Variants in UGT1A6 observed in about 807,000 individuals in gnomAD.
UGT1A6 encodes UDP-glucuronosyltransferase 1A6.
Under a neutral mutation model 44.4 loss-of-function variants are expected in UGT1A6, and 32 were observed. The ratio of observed to expected loss-of-function variants is 0.72; its 90% CI spans 0.54 to 0.97. UGT1A6 has a LOEUF of 0.97. UGT1A6 is among the 50% of genes least tolerant of loss of function. The pLI is 0.00. For missense variants in UGT1A6, 685 were observed against 661.9 expected, an observed-to-expected ratio of 1.03 and a Z score of -0.38; for synonymous variants, 238 against 248.5, an observed-to-expected ratio of 0.96 and a Z score of 0.40.
At chr2:233,757,978 G>A (rs979360381) in intron 1 of UGT1A6, among the ~76,000 whole-genome samples, 2 of 152,062 alleles carry the variant, frequency 1.3e-5, no homozygotes, top group Non-Finnish European at 2.9e-5. Context: ...AGCCCCTAGA[G>A]CACCATCCCC....
At chr2:233,765,117 T>C (rs1698755913) in intron 1 of UGT1A6, among the ~76,000 whole-genome samples, 1 of 152,162 alleles carries the variant, frequency 6.6e-6, no homozygotes, top group Admixed American at 6.5e-5. Flanking sequence ...CTCAGGACTG[T>C]TCAGGTTTTA....
intron 1 of UGT1A6, chr2:233,753,481 C>G (rs1199479898): frequency 6.6e-6 from 1 of 152,192 alleles, no homozygotes; most frequent in African/African-American, 2.4e-5. Flanking sequence ...TACCAGCATG[C>G]TGCTCTTAAT....
At chr2:233,720,685 A>G (rs2076880777) in intron 1 of UGT1A6, among the ~76,000 whole-genome samples, 1 of 151,384 alleles carries the variant, frequency 6.6e-6, no homozygotes, top group Non-Finnish European at 1.5e-5. Flanking sequence ...TGGTTTCTAA[A>G]TCCATTAAGG....
chr2:233,743,863 G>A (rs369107156), intron 1 of UGT1A6: 364 of 1,364,642 alleles, frequency 2.7e-4, no homozygotes, highest in Middle Eastern at 2.1e-4. Context: ...CCTTCTTGAT[G>A]GCCTCGGATG....
chr2:233,711,834 C>T (rs1439514867), intron 1 of UGT1A6, among the ~76,000 whole-genome samples: 7 of 152,150 alleles, frequency 4.6e-5, no homozygotes, highest in African/African-American at 1.2e-4. Context: ...GACAAGGAGG[C>T]GTCAGCAATC....
At chr2:233,761,962 G>A (rs1257423083) in intron 1 of UGT1A6, among the ~76,000 whole-genome samples, 1 of 152,228 alleles carries the variant, frequency 6.6e-6, no homozygotes, top group Non-Finnish European at 1.5e-5. Flanking sequence ...CCATTAAGGG[G>A]ACTGATATCA....
chr2:233,704,803 T>C (rs890648963), intron 1 of UGT1A6, among the ~76,000 whole-genome samples: 1 of 152,152 alleles, frequency 6.6e-6, no homozygotes, highest in African/African-American at 2.4e-5. Context: ...TAATTATATA[T>C]ATGTATATTG....
At chr2:233,719,708 C>T in intron 1 of UGT1A6, 1 of 1,613,968 alleles carries the variant, frequency 6.2e-7, no homozygotes, top group Non-Finnish European at 8.5e-7. Flanking sequence ...GTGCCTTCAT[C>T]CAATCAATGT....
chr2:233,714,271 C>T (rs759852980), intron 1 of UGT1A6, among the ~76,000 whole-genome samples: 2 of 152,206 alleles, frequency 1.3e-5, no homozygotes, highest in African/African-American at 4.8e-5. Context: ...CAATTGTTGA[C>T]GTGACAATTT....
chr2:233,765,846 C>T (rs562820887), intron 1 of UGT1A6, among the ~76,000 whole-genome samples: 4 of 152,146 alleles, frequency 2.6e-5, no homozygotes, highest in African/African-American at 7.2e-5. Flanking sequence ...CCTTGTCCCC[C>T]TCACAGAGCA....
chr2:233,730,746 G>A (rs1030553021), intron 1 of UGT1A6, among the ~76,000 whole-genome samples: 3 of 152,110 alleles, frequency 2.0e-5, no homozygotes, highest in Non-Finnish European at 2.9e-5. Context: ...GGCTAGGGAG[G>A]AGATAAGACT....
Position 233,718,901 on chromosome 2 carries a change from G to T in UGT1A6, c.861+25036G>T, listed in dbSNP as rs377204506. On this transcript the variant is annotated intron_variant, in intron 1 of 4. Coordinates refer to ENST00000305139, the MANE Select transcript of UGT1A6 (RefSeq NM_001072.4). Reference sequence around the variant, plus strand: ...TCCTCAGTGTCCAGCCCTGGGCTGAGAGTGGAAAGGTGTTGGTGGTGCCCA... The same window carrying T: ...TCCTCAGTGTCCAGCCCTGGGCTGATAGTGGAAAGGTGTTGGTGGTGCCCA... The T allele has an allele frequency of 2.5e-6, 4 of 1,613,936 alleles. No individual in the cohort carries two copies. The South Asian group carries it at 4.4e-5, about 18-fold the overall frequency.
intron 1 of UGT1A6, among the ~76,000 whole-genome samples, chr2:233,714,471 G>A (rs4663945): frequency 0.089 from 13,512 of 152,132 alleles, 752 homozygotes; most frequent in East Asian, 0.2. Flanking sequence ...ATTGTAATAG[G>A]AGAATGTTTC....
At chr2:233,729,044 T>G (rs1356759266) in intron 1 of UGT1A6, 1 of 1,607,146 alleles carries the variant, frequency 6.2e-7, no homozygotes, top group East Asian at 2.2e-5. Context: ...AGTGGCTCAG[T>G]GACAAGGTAA....
intron 1 of UGT1A6, among the ~76,000 whole-genome samples, chr2:233,716,363 G>A (rs914574200): frequency 6.6e-6 from 1 of 152,108 alleles, no homozygotes; most frequent in Non-Finnish European, 1.5e-5. Context: ...ATACTTTGTG[G>A]GGCTGTGATT....
intron 1 of UGT1A6, among the ~76,000 whole-genome samples, chr2:233,745,892 C>T (rs573273105): frequency 7.3e-5 from 11 of 150,844 alleles, no homozygotes; most frequent in East Asian, 2.0e-4. Context: ...GGTGGGGTGG[C>T]GTTTTTCAGG....
At chr2:233,707,478 T>C (rs2075963817) in intron 1 of UGT1A6, among the ~76,000 whole-genome samples, 1 of 152,122 alleles carries the variant, frequency 6.6e-6, no homozygotes, top group African/African-American at 2.4e-5. Context: ...ATAATACAGA[T>C]GATTTTACCT....
chr2:233,745,312 T>A (rs1693068284), intron 1 of UGT1A6, among the ~76,000 whole-genome samples: 1 of 151,876 alleles, frequency 6.6e-6, no homozygotes, highest in South Asian at 2.1e-4. Flanking sequence ...AGTGATTATT[T>A]CCACTAGAAC....
In UGT1A6 at chr2:233,772,828, C is replaced by A; in HGVS notation, c.*269C>A. ...TTCAGAGGACGTGCAGACAGGCTGG[C>A]ATTCTAGATTACTTTTCTTACTCTG... is the stretch of plus-strand genomic sequence containing the variant. On this transcript the variant is annotated 3_prime_UTR_variant, in exon 5 of 5. Transcript: ENST00000305139. 1.1e-6 allele frequency: 1 copy of A among 921,124 alleles called. No individual in the cohort carries two copies. The highest frequency in any genetic ancestry group is 1.5e-6 in the Non-Finnish European group (1 of 663,786). The allele number at this position is 921,124 out of a possible 1,614,324, so 57.1% of individuals were successfully genotyped here. A position where few individuals can be genotyped will look rare whatever the true frequency, so the allele number is the denominator to read the frequency against.
Sources: gnomAD v4.1 joint callset for allele counts (sites outside exome capture counted in the v4.1 genomes callset) on GRCh38, gnomAD v4.1.1 for gene constraint, MANE v1.5 for transcripts, NCBI Gene and HGNC (gene_info 2026-07-23, HGNC 2026-07-21) for gene names.